The following OCEL1 variants were observed in gnomAD, a reference collection of about 807,000 sequenced individuals.
OCEL1 encodes the protein occludin/ELL domain-containing protein 1.
OCEL1 carries 24 observed loss-of-function variants against 29.4 expected under a neutral mutation model. That is an observed-to-expected ratio of 0.82 (90% confidence interval 0.59 to 1.15). The LOEUF is 1.15. Ranked by LOEUF, OCEL1 falls within the 50% of genes most tolerant of loss-of-function variation. The probability of loss-of-function intolerance (pLI) is 0.00; values close to 1 mark genes in which losing one functional copy is unlikely to be tolerated. For synonymous variants in OCEL1, 172 were observed against 145.3 expected, an observed-to-expected ratio of 1.18 and a Z score of -1.32; for missense variants, 402 against 352.5, an observed-to-expected ratio of 1.14 and a Z score of -1.13.
chr19:17,228,272 C>G lies in OCEL1; in HGVS notation c.635C>G (p.Ala212Gly). 1.2e-6 allele frequency: 2 copies of G among 1,614,150 alleles called. No homozygotes were observed. The highest frequency in any genetic ancestry group is 1.7e-6 in the Non-Finnish European group (2 of 1,180,034). ...PPQSQKEAQV[A>G]ARVWREFEMK... The stretch of plus-strand genomic sequence containing the variant: ...CCCTTGCAGAAGGAGGCCCAAGTTG[C>G]AGCCCGGGTTTGGAGGGAGTTTGAG... Residue 212 changes from alanine to glycine, a missense_variant, in exon 5 of 6, where the codon GCA becomes GGA. Physicochemically the swap from Ala to Gly is moderately conservative, Grantham distance 60. Coordinates refer to ENST00000215061, the MANE Select transcript of OCEL1 (RefSeq NM_024578.3).
chr19:17,226,525 G>A, intron 1 of OCEL1, 168 bp from the exon 2 acceptor site: 1 of 901,636 alleles, frequency 1.1e-6, no homozygotes, highest in Non-Finnish European at 1.6e-6. Flanking sequence ...TCGTGGGCGG[G>A]GTCTGGACGT....
Position 17,226,764 on chromosome 19 carries a change from A to G in OCEL1, c.141A>G (p.Lys47=). 6.3e-7 allele frequency: 1 copy of G among 1,585,740 alleles called. No individual in the cohort carries two copies. Among genetic ancestry groups the G allele is most frequent in the Non-Finnish European group, 8.5e-7 (1 of 1,171,034 alleles). The change falls in exon 2 of 6, where the codon AAA becomes AAG. Residue 47 remains lysine (K), a synonymous_variant. Transcript: ENST00000215061. ...APRRTRPSAR[K]PLSCFSRRPM... ...GCAGGACCCGCCCATCAGCCCGGAA[A>G]CCCCTGAGCTGCTTCTCCCGGAGGC...
intron 1 of OCEL1, 35 bp downstream of exon 1, chr19:17,226,351 C>T (rs1362843538): frequency 6.2e-7 from 1 of 1,601,544 alleles, no homozygotes. Flanking sequence ...GACGGCCTTG[C>T]AGGTGGGGCG....
At chr19:17,228,093 A>G in intron 4 of OCEL1, 88 bp downstream of exon 4, 1 of 1,561,446 alleles carries the variant, frequency 6.4e-7, no homozygotes, top group Non-Finnish European at 8.7e-7. Context: ...CCAGATTTCC[A>G]GGACTCTTTC....
rs768020752 is a variant in OCEL1 at position 17,228,830 on chromosome 19, C to T, written c.700C>T (p.Arg234Cys). 34 of 1,613,514 alleles carry T rather than the reference C, an allele frequency of 2.1e-5. No individual in the cohort carries two copies. The highest frequency in any genetic ancestry group is 8.9e-5 in the East Asian group (4 of 44,890). The change falls in exon 6 of 6, where the codon CGC becomes TGC. Residue 234 changes from arginine to cysteine, a missense_variant. By Grantham distance (180) the Arg-to-Cys change is radical. Coordinates refer to ENST00000215061, the MANE Select transcript of OCEL1 (RefSeq NM_024578.3). ...MDPGFLDKQA[R>C]CHYLKGKLRH... Reference sequence around the variant, plus strand: ...TCCTGGCTTCCTGGACAAGCAGGCTCGCTGCCACTACCTGAAGGGTAAACT... The same window carrying T: ...TCCTGGCTTCCTGGACAAGCAGGCTTGCTGCCACTACCTGAAGGGTAAACT...
At chr19:17,227,751 C>G in intron 3 of OCEL1, 89 bp from the exon 4 acceptor site, 3 of 1,352,148 alleles carry the variant, frequency 2.2e-6, no homozygotes, top group Non-Finnish European at 3.1e-6. Context: ...AGTAGGGGCC[C>G]AGCATGGACA....
At position 17,228,869 on chromosome 19, in the gene OCEL1, A is replaced by C; in HGVS notation, c.739A>C (p.Thr247Pro). Residue 247 changes from threonine to proline, a missense_variant, in exon 6 of 6, where the codon ACT becomes CCT. Physicochemically the swap from Thr to Pro is conservative, Grantham distance 38. Coordinates refer to ENST00000215061, the MANE Select transcript of OCEL1 (RefSeq NM_024578.3). ...GAAGGGTAAACTGAGGCATCTCAAG[A>C]CTCAGATCCAGAAATTCGATGACCA... ...YLKGKLRHLK[T>P]QIQKFDDQGD... 6.2e-7 allele frequency: 1 copy of C among 1,613,866 alleles called. No individual in the cohort carries two copies. Among genetic ancestry groups the C allele is most frequent in the Non-Finnish European group, 8.5e-7 (1 of 1,179,942 alleles).
chr19:17,227,945 ACAGGCAAAGCT>A lies in OCEL1; in HGVS notation c.565_575del (p.Lys189AlafsTer28). 6.2e-7 allele frequency: 1 copy of A among 1,613,256 alleles called. No individual in the cohort carries two copies. The highest frequency in any genetic ancestry group is 8.5e-7 in the Non-Finnish European group (1 of 1,180,004). On this transcript the variant is annotated frameshift_variant, in exon 4 of 6. Coordinates refer to ENST00000215061, the MANE Select transcript of OCEL1 (RefSeq NM_024578.3). LOFTEE classifies it high-confidence loss of function. ...AGCTCCAGCACGAGGTGGGGTGTGC[ACAGGCAAAGCT>A]CAGGCAGCTGGAGGCCCTGCTGAGC...
chr19:17,228,871 T>C lies in OCEL1; in HGVS notation c.741T>C (p.Thr247=). The change falls in exon 6 of 6, where the codon ACT becomes ACC. Residue 247 remains threonine (T), a synonymous_variant. Coordinates refer to ENST00000215061, the MANE Select transcript of OCEL1 (RefSeq NM_024578.3). Reference sequence around the variant, plus strand: ...AGGGTAAACTGAGGCATCTCAAGACTCAGATCCAGAAATTCGATGACCAAG... The same window carrying C: ...AGGGTAAACTGAGGCATCTCAAGACCCAGATCCAGAAATTCGATGACCAAG... ...YLKGKLRHLK[T]QIQKFDDQGD... 6.2e-7 allele frequency: 1 copy of C among 1,613,876 alleles called. No homozygotes were observed. Among genetic ancestry groups the C allele is most frequent in the Non-Finnish European group, 8.5e-7 (1 of 1,179,936 alleles).
intron 3 of OCEL1, 32 bp downstream of exon 3, chr19:17,227,231 G>C: frequency 6.9e-7 from 1 of 1,455,592 alleles, no homozygotes; most frequent in South Asian, 1.6e-5. Context: ...CTTCATGCCT[G>C]GGATCAGGAG....
At chr19:17,226,625 C>G (rs891809104) in intron 1 of OCEL1, 68 bp from the exon 2 acceptor site, 25 of 1,397,638 alleles carry the variant, frequency 1.8e-5, no homozygotes, top group Non-Finnish European at 2.3e-5. Flanking sequence ...GCTCTTCGGC[C>G]GAGCTGCCCG....
rs936621724 is a variant in OCEL1, at chr19:17,226,591, G to C, written c.70-102G>C. 4.7e-6 allele frequency: 6 copies of C among 1,269,562 alleles called. No homozygotes were observed. The African/African-American group carries it at 9.1e-5, about 19-fold the overall frequency. The allele number at this position is 1,269,562 out of a possible 1,614,324, so 78.6% of individuals were successfully genotyped here. Reference sequence around the variant, plus strand: ...AATAGCGGTCGTTCTGGGGAACTCTGCTCCCGCGGGGTGAGAGTTGGCCGC... The same window carrying C: ...AATAGCGGTCGTTCTGGGGAACTCTCCTCCCGCGGGGTGAGAGTTGGCCGC... On this transcript the variant is annotated intron_variant, in intron 1 of 5. Coordinates refer to ENST00000215061, the MANE Select transcript of OCEL1 (RefSeq NM_024578.3).
chr19:17,228,623 C>G, intron 5 of OCEL1, 180 bp from the exon 6 acceptor site: 1 of 753,636 alleles, frequency 1.3e-6, no homozygotes. Flanking sequence ...ATCCGCCCAC[C>G]TCGGCCTCCC....
chr19:17,228,107 T>C, intron 4 of OCEL1, 102 bp downstream of exon 4: 1 of 1,547,628 alleles, frequency 6.5e-7, no homozygotes, highest in South Asian at 1.2e-5. Context: ...CTCTTTCTCC[T>C]CTCGGTTGGC....
chr19:17,228,170 G>A lies in OCEL1; in HGVS notation c.619-86G>A, dbSNP rs540488838. 1,444 of 1,546,106 alleles carry A rather than the reference G, an allele frequency of 9.3e-4. 1 individual carries two copies. The highest frequency in any genetic ancestry group is 1.2e-3 in the Non-Finnish European group (1,306 of 1,120,910). On this transcript the variant is annotated intron_variant, in intron 4 of 5. Transcript: ENST00000215061. ...AGCCCTTGAAGTCCCCACTAGATGG[G>A]CATTTAGTCTGTCTGAGCCTCAGTT...
At position 17,229,093 on chromosome 19, in the gene OCEL1, G is replaced by A. The variant is rs1446014464; in HGVS notation, c.*168G>A. ...GCTCTGACAGCCCCTCCTCCAGGAA[G>A]GCCTTCCAGGACTTCCTCCTCTGGG... is the stretch of plus-strand genomic sequence containing the variant. On this transcript the variant is annotated 3_prime_UTR_variant, in exon 6 of 6. Coordinates refer to ENST00000215061, the MANE Select transcript of OCEL1 (RefSeq NM_024578.3). The A allele has an allele frequency of 3.0e-6, 2 of 667,838 alleles. No individual in the cohort carries two copies. The highest frequency in any genetic ancestry group is 2.4e-6 in the Non-Finnish European group (1 of 419,178). The allele number at this position is 667,838 out of a possible 1,614,324, so 41.4% of individuals were successfully genotyped here. A position where few individuals can be genotyped will look rare whatever the true frequency, so the allele number is the denominator to read the frequency against.
intron 3 of OCEL1, 50 bp from the exon 4 acceptor site, chr19:17,227,790 A>C (rs1199389639): frequency 3.2e-6 from 5 of 1,580,710 alleles, no homozygotes; most frequent in Non-Finnish European, 3.5e-6. Context: ...TGACTGGGGG[A>C]AAGAGTGGGG....
chr19:17,226,638 CG>C, intron 1 of OCEL1, 54 bp from the exon 2 acceptor site: 1 of 1,412,488 alleles, frequency 7.1e-7, no homozygotes, highest in Non-Finnish European at 9.2e-7. Context: ...GCTGCCCGCG[CG>C]TCCTTTCTCC....
intron 3 of OCEL1, 119 bp from the exon 4 acceptor site, chr19:17,227,721 G>A (rs928744884): frequency 1.3e-5 from 11 of 869,272 alleles, no homozygotes; most frequent in South Asian, 2.0e-5. Flanking sequence ...TTAAAAGAGG[G>A]AGAGAAAAGG....
Sources: gnomAD v4.1 joint callset for allele counts on GRCh38, gnomAD v4.1.1 for gene constraint, MANE v1.5 for transcripts, NCBI Gene and HGNC (gene_info 2026-07-23, HGNC 2026-07-21) for gene names.